The following CNTNAP2 variants were observed in gnomAD, a reference collection of about 807,000 sequenced individuals.
CNTNAP2 encodes the protein contactin associated protein 2.
A neutral mutation model predicts 155.2 loss-of-function variants in CNTNAP2; 98 were observed. That is an observed-to-expected ratio of 0.63 (90% CI 0.54 to 0.75). CNTNAP2 has a LOEUF of 0.75. Among genes scored for constraint, CNTNAP2 ranks in the 30% least tolerant of loss-of-function variants. CNTNAP2 has a pLI of 0.00. For missense variants in CNTNAP2, 1,727 were observed against 1,688.1 expected, an observed-to-expected ratio of 1.02 and a Z score of -0.40; for synonymous variants, 651 against 631.2, an observed-to-expected ratio of 1.03 and a Z score of -0.47.
At chr7:146,999,217 A>G (rs1231712036) in intron 3 of CNTNAP2, among the ~76,000 whole-genome samples, 2 of 149,334 alleles carry the variant, frequency 1.3e-5, no homozygotes, top group Non-Finnish European at 3.0e-5. Flanking sequence ...AGTTATTTTA[A>G]CCTGATAACA....
In CNTNAP2 at chr7:147,641,243, C is replaced by T. The variant is rs1432374445; in HGVS notation, c.2098+1937C>T. Among the ~76,000 whole-genome samples, 6 of 152,276 alleles carry T rather than the reference C, an allele frequency of 3.9e-5. No individual in the cohort carries two copies. The East Asian group carries it at 5.8e-4, about 15-fold the overall frequency. On this transcript the variant is annotated intron_variant, in intron 13 of 23. Transcript: ENST00000361727. ...AATAATTTCTTAATAACTTCTATAA[C>T]GATAGTACACAATATTGTGAAAATG...
chr7:147,786,583 CG>C (rs1797743279), intron 13 of CNTNAP2, among the ~76,000 whole-genome samples: 1 of 152,104 alleles, frequency 6.6e-6, no homozygotes, highest in Admixed American at 6.5e-5. Context: ...GAAGCAGCAG[CG>C]TGGGGAGTGC....
intron 8 of CNTNAP2, among the ~76,000 whole-genome samples, chr7:147,156,208 T>C (rs973244087): frequency 3.3e-5 from 5 of 152,128 alleles, no homozygotes; most frequent in African/African-American, 7.2e-5. Context: ...CAATGGTTTG[T>C]TATTCAACTA....
chr7:147,079,098 T>C (rs980135459), intron 4 of CNTNAP2, among the ~76,000 whole-genome samples: 2 of 152,210 alleles, frequency 1.3e-5, no homozygotes, highest in African/African-American at 4.8e-5. Flanking sequence ...TGACATACTC[T>C]GTAATATAAC....
At chr7:146,725,924 G>T (rs867010113) in intron 1 of CNTNAP2, among the ~76,000 whole-genome samples, 1 of 152,088 alleles carries the variant, frequency 6.6e-6, no homozygotes, top group Non-Finnish European at 1.5e-5. Flanking sequence ...TCTGTCTCCC[G>T]TTCAGCCAGC....
intron 8 of CNTNAP2, among the ~76,000 whole-genome samples, chr7:147,240,461 A>C (rs186689631): frequency 6.6e-4 from 100 of 152,344 alleles, no homozygotes; most frequent in Admixed American, 1.8e-3. Flanking sequence ...AATAAAACAA[A>C]ACAACTTTAT....
chr7:146,151,663 T>TATATAC (rs1798046581), intron 1 of CNTNAP2, among the ~76,000 whole-genome samples: 1 of 44,008 alleles, frequency 2.3e-5, no homozygotes. Flanking sequence ...TATATATATA[T>TATATAC]ATATATATAT....
chr7:147,836,128 C>T (rs1798629284), intron 13 of CNTNAP2, among the ~76,000 whole-genome samples: 1 of 152,098 alleles, frequency 6.6e-6, no homozygotes, highest in Non-Finnish European at 1.5e-5. Context: ...AAAAAGCAAT[C>T]CAGGAAGAAA....
chr7:146,313,453 C>T (rs1449777536), intron 1 of CNTNAP2, among the ~76,000 whole-genome samples: 1 of 152,110 alleles, frequency 6.6e-6, no homozygotes, highest in African/African-American at 2.4e-5. Context: ...ATATAAACCC[C>T]TCATCAGGTG....
chr7:146,394,367 G>C (rs1795589417), intron 1 of CNTNAP2, among the ~76,000 whole-genome samples: 1 of 152,130 alleles, frequency 6.6e-6, no homozygotes, highest in African/African-American at 2.4e-5. Flanking sequence ...CTAAGAGTTT[G>C]CTAGCAGCTG....
intron 14 of CNTNAP2, among the ~76,000 whole-genome samples, chr7:147,960,483 T>C (rs1801097641): frequency 6.6e-6 from 1 of 152,178 alleles, no homozygotes; most frequent in Admixed American, 6.6e-5. Flanking sequence ...AAATCTTGGA[T>C]TGCCTGAAAT....
intron 16 of CNTNAP2, 142 bp from the exon 17 acceptor site, chr7:148,147,349 T>C (rs1021110883): frequency 3.7e-6 from 3 of 811,770 alleles, no homozygotes; most frequent in African/African-American, 3.3e-5. Flanking sequence ...CCTTCTTCCA[T>C]TGATTTTGCC....
At chr7:147,501,781 T>C (rs1052445854) in intron 11 of CNTNAP2, among the ~76,000 whole-genome samples, 3 of 152,204 alleles carry the variant, frequency 2.0e-5, no homozygotes, top group African/African-American at 7.2e-5. Flanking sequence ...TTTATCAGTA[T>C]GTGACCCCAT....
intron 8 of CNTNAP2, among the ~76,000 whole-genome samples, chr7:147,242,393 A>G (rs1563130435): frequency 6.6e-6 from 1 of 152,226 alleles, no homozygotes; most frequent in Non-Finnish European, 1.5e-5. Context: ...TGTAATAAAT[A>G]GTAGTACCCG....
chr7:147,914,241 TA>T (rs869147250), intron 14 of CNTNAP2, among the ~76,000 whole-genome samples: 25 of 151,922 alleles, frequency 1.6e-4, no homozygotes, highest in African/African-American at 2.4e-4. Context: ...GTTTCTTTTT[TA>T]AAAAAAAAAT....
chr7:146,426,420 C>T (rs191580543), intron 1 of CNTNAP2, among the ~76,000 whole-genome samples: 2 of 146,592 alleles, frequency 1.4e-5, no homozygotes, highest in African/African-American at 5.1e-5. Flanking sequence ...CACACACACA[C>T]ATATACACAC....
chr7:148,139,646 T>A (rs1359217223), intron 16 of CNTNAP2, among the ~76,000 whole-genome samples: 4 of 152,114 alleles, frequency 2.6e-5, no homozygotes, highest in African/African-American at 9.7e-5. Flanking sequence ...GTCAAGTGAT[T>A]CTCCTGCCTC....
At chr7:146,872,620 T>C (rs1009566326) in intron 3 of CNTNAP2, among the ~76,000 whole-genome samples, 1 of 152,194 alleles carries the variant, frequency 6.6e-6, no homozygotes. Flanking sequence ...GGCCTCCAAA[T>C]TGGATAGTGC....
chr7:147,366,591 T>C (rs1019905703), intron 9 of CNTNAP2, among the ~76,000 whole-genome samples: 8 of 152,100 alleles, frequency 5.3e-5, no homozygotes, highest in Non-Finnish European at 8.8e-5. Context: ...CAACTGATAC[T>C]ATATTCTTTA....
Sources: gnomAD v4.1 joint callset for allele counts (sites outside exome capture counted in the v4.1 genomes callset) on GRCh38, gnomAD v4.1.1 for gene constraint, MANE v1.5 for transcripts, NCBI Gene and HGNC (gene_info 2026-07-23, HGNC 2026-07-21) for gene names.